Variants in JCAD observed in about 807,000 individuals in gnomAD.
JCAD encodes junctional cadherin 5-associated protein.
A neutral mutation model predicts 98.0 loss-of-function variants in JCAD; 40 were observed. The ratio of observed to expected loss-of-function variants is 0.41; its 90% CI spans 0.32 to 0.53. JCAD has a LOEUF of 0.53. Ranked by LOEUF, JCAD falls within the 20% of genes least tolerant of loss-of-function variation. The pLI is 0.31. For synonymous variants in JCAD, 691 were observed against 682.3 expected, an observed-to-expected ratio of 1.01 and a Z score of -0.20; for missense variants, 1,705 against 1,738.1, an observed-to-expected ratio of 0.98 and a Z score of 0.34.
intron 1 of JCAD, among the ~76,000 whole-genome samples, chr10:30,107,215 G>A (rs886347604): frequency 1.3e-5 from 2 of 152,186 alleles, no homozygotes; most frequent in South Asian, 2.1e-4. Context: ...AGTAGGTTAG[G>A]CACTGTAAGT....
chr10:30,045,778 T>C (rs973028824), intron 2 of JCAD, among the ~76,000 whole-genome samples: 39 of 152,228 alleles, frequency 2.6e-4, no homozygotes, highest in African/African-American at 9.2e-4. Context: ...TTTTCCCCCC[T>C]GAGCCTGGCT....
chr10:30,109,031 G>A (rs1838640116), intron 1 of JCAD, among the ~76,000 whole-genome samples: 1 of 152,158 alleles, frequency 6.6e-6, no homozygotes, highest in African/African-American at 2.4e-5. Flanking sequence ...TGGAGACAGA[G>A]GGCCACAGAG....
chr10:30,051,280 G>GCA (rs1554798233), intron 1 of JCAD, among the ~76,000 whole-genome samples: 97 of 78,958 alleles, frequency 1.2e-3, no homozygotes, highest in Non-Finnish European at 5.2e-4. Flanking sequence ...ACGCACACAC[G>GCA]CACGCACACA....
At chr10:30,038,904 G>A (rs546095066) in intron 2 of JCAD, among the ~76,000 whole-genome samples, 2 of 152,192 alleles carry the variant, frequency 1.3e-5, no homozygotes, top group South Asian at 2.1e-4. Flanking sequence ...ATGTGTCCCC[G>A]ATGAAGGTGC....
chr10:30,075,302 T>C (rs2132675711), intron 1 of JCAD, among the ~76,000 whole-genome samples: 1 of 152,314 alleles, frequency 6.6e-6, no homozygotes, highest in Admixed American at 6.5e-5. Flanking sequence ...CCTCTGATAT[T>C]ATGAGGAAGC....
At chr10:30,105,561 T>C (rs113867223) in intron 1 of JCAD, among the ~76,000 whole-genome samples, 9,735 of 152,166 alleles carry the variant, frequency 0.064, 918 homozygotes, top group African/African-American at 0.21. Flanking sequence ...TGACCTCAGA[T>C]GATTCATCTG....
intron 2 of JCAD, among the ~76,000 whole-genome samples, chr10:30,041,269 T>C (rs1837237696): frequency 2.6e-5 from 4 of 152,210 alleles, no homozygotes; most frequent in South Asian, 2.1e-4. Flanking sequence ...CTGGTGTTCA[T>C]GAGCATGCCA....
At chr10:30,079,116 T>C (rs1298049010) in intron 1 of JCAD, among the ~76,000 whole-genome samples, 1 of 152,020 alleles carries the variant, frequency 6.6e-6, no homozygotes, top group Non-Finnish European at 1.5e-5. Flanking sequence ...ATAGTAATCA[T>C]CTTGGGAGGC....
At chr10:30,035,170 G>A (rs1564448253) in intron 2 of JCAD, among the ~76,000 whole-genome samples, 1 of 152,166 alleles carries the variant, frequency 6.6e-6, no homozygotes, top group Admixed American at 6.5e-5. Context: ...GACAGAAATA[G>A]GACAAGAATA....
chr10:30,090,276 T>C lies in JCAD; in HGVS notation n.129-20455A>G, dbSNP rs1838238335. Among the ~76,000 whole-genome samples the C allele has an allele frequency of 2.0e-5, 3 of 152,340 alleles. No homozygotes were observed. In the South Asian group the frequency reaches 6.2e-4, roughly 32 times the overall value. ...ATTTGCACAGGCCAGTTGCGGAGGCTCACGCCTGTAATCCCAACACTTTGG... is the reference window on the plus strand; with the variant it reads ...ATTTGCACAGGCCAGTTGCGGAGGCCCACGCCTGTAATCCCAACACTTTGG... On this transcript the variant is annotated intron_variant and non_coding_transcript_variant, in intron 1 of 2. Coordinates refer to the JCAD transcript ENST00000465712.
chr10:30,049,906 G>A (rs943123145), intron 1 of JCAD, among the ~76,000 whole-genome samples: 2 of 152,160 alleles, frequency 1.3e-5, no homozygotes, highest in Non-Finnish European at 2.9e-5. Flanking sequence ...AGAGACAGAA[G>A]TGTTTGAGCT....
chr10:30,028,524 A>G lies in JCAD; in HGVS notation c.1624T>C (p.Ser542Pro). The G allele has an allele frequency of 6.2e-7, 1 of 1,613,998 alleles. No homozygotes were observed. Residue 542 changes from serine to proline, a missense_variant, in exon 3 of 4, where the codon TCC becomes CCC. Ser to Pro is a moderately conservative substitution (Grantham distance 74). This residue lies in a region of JCAD where 1,278 missense variants were observed against 1,243.1 expected (regional missense o/e 1.03). Transcript: ENST00000375377. ...SQHGHTGRQV[S>P]SPYSQGESTC... Reference sequence around the variant, plus strand: ...CTCTCGCCCTGTGAGTAAGGGGAGGAAACTTGTCTTCCAGTGTGCCCGTGC... The same window carrying G: ...CTCTCGCCCTGTGAGTAAGGGGAGGGAACTTGTCTTCCAGTGTGCCCGTGC...
intron 1 of JCAD, among the ~76,000 whole-genome samples, chr10:30,099,954 C>A (rs947760598): frequency 2.6e-5 from 4 of 152,202 alleles, no homozygotes; most frequent in African/African-American, 9.6e-5. Context: ...TCCTGCATAA[C>A]CATTTCTCCC....
In JCAD at chr10:30,014,129, C is replaced by T. The variant is rs1333574654; in HGVS notation, c.*3754G>A. 1 of 152,206 alleles carries T rather than the reference C, an allele frequency of 6.6e-6. No homozygotes were observed. The highest frequency in any genetic ancestry group is 1.5e-5 in the Non-Finnish European group (1 of 68,068). 9.4% of individuals were successfully genotyped at this position (152,206 alleles called of 1,614,324 possible). ...CACACTCCTGGAGAAGGACCTCCCGCCATGCAGATTCTTAAAGGTCACTGG... is the reference window on the plus strand; with the variant it reads ...CACACTCCTGGAGAAGGACCTCCCGTCATGCAGATTCTTAAAGGTCACTGG... On this transcript the variant is annotated 3_prime_UTR_variant, in exon 4 of 4. Transcript: ENST00000375377.
At chr10:30,097,053 A>G (rs1419979335) in intron 1 of JCAD, among the ~76,000 whole-genome samples, 1 of 152,176 alleles carries the variant, frequency 6.6e-6, no homozygotes, top group African/African-American at 2.4e-5. Flanking sequence ...AACAGCATCA[A>G]TGACAATAAT....
intron 1 of JCAD, among the ~76,000 whole-genome samples, chr10:30,107,330 G>A (rs567128359): frequency 6.6e-6 from 1 of 152,194 alleles, no homozygotes; most frequent in Admixed American, 6.5e-5. Flanking sequence ...CCAAGATGGC[G>A]ATGAAAGGGA....
At chr10:30,043,832 G>A (rs568000381) in intron 2 of JCAD, among the ~76,000 whole-genome samples, 234 of 152,342 alleles carry the variant, frequency 1.5e-3, no homozygotes, top group African/African-American at 5.3e-3. Flanking sequence ...GGGAAGTTGT[G>A]GCTCAAGCTG....
chr10:30,053,565 A>AAAAAG (rs1166484702), intron 1 of JCAD, among the ~76,000 whole-genome samples: 14 of 149,908 alleles, frequency 9.3e-5, no homozygotes, highest in East Asian at 1.9e-4. Context: ...GTCTCAAAAA[A>AAAAAG]AAAAGAAAAG....
chr10:30,113,548 CAAAA>C (rs71023545), intron 1 of JCAD, among the ~76,000 whole-genome samples: 55 of 15,942 alleles, frequency 3.5e-3, no homozygotes, highest in African/African-American at 0.011. Context: ...GAGACACTGT[CAAAA>C]AAAAAAAAAA....
Sources: allele counts gnomAD v4.1 joint callset (sites outside exome capture counted in the v4.1 genomes callset), GRCh38; gene constraint gnomAD v4.1.1; regional missense constraint gnomAD v4.1.1; transcripts MANE v1.5; gene names NCBI Gene and HGNC (gene_info 2026-07-23, HGNC 2026-07-21).